Variants in HS3ST4 observed in about 807,000 individuals in gnomAD.
The protein encoded by HS3ST4 is heparan sulfate glucosamine 3-O-sulfotransferase 4.
HS3ST4 carries 17 observed loss-of-function variants against 29.2 expected under a neutral mutation model. That is an observed-to-expected ratio of 0.58 (90% confidence interval 0.40 to 0.87). The LOEUF (loss-of-function observed/expected upper bound fraction) is 0.87. Among genes scored for constraint, HS3ST4 ranks in the 40% least tolerant of loss-of-function variants. The pLI, the probability that HS3ST4 is intolerant of heterozygous loss-of-function variation, is 0.00. For synonymous variants in HS3ST4, 314 were observed against 285.7 expected (o/e 1.10, Z -1.00); for missense variants, 627 against 634.5 (o/e 0.99, Z 0.13).
intron 1 of HS3ST4, among the ~76,000 whole-genome samples, chr16:25,699,894 A>G (rs552535773): frequency 6.6e-5 from 10 of 152,312 alleles, no homozygotes; most frequent in South Asian, 4.1e-4. Flanking sequence ...AAAGTGCCCT[A>G]TGTAGAGCTT....
chr16:25,812,197 G>T (rs781730985), intron 1 of HS3ST4, among the ~76,000 whole-genome samples: 2 of 152,138 alleles, frequency 1.3e-5, no homozygotes, highest in Admixed American at 1.3e-4. Context: ...CTGCTCTGAG[G>T]ATCACACTTT....
At chr16:25,738,103 A>G (rs561903536) in intron 1 of HS3ST4, among the ~76,000 whole-genome samples, 1 of 151,908 alleles carries the variant, frequency 6.6e-6, no homozygotes, top group South Asian at 2.1e-4. Flanking sequence ...ATGGGGTTTC[A>G]CCGTGTTAGC....
chr16:25,904,590 G>GGC (rs986998047), intron 1 of HS3ST4, among the ~76,000 whole-genome samples: 2 of 152,004 alleles, frequency 1.3e-5, no homozygotes, highest in Non-Finnish European at 2.9e-5. Context: ...GATATCCAAG[G>GGC]GCAATGAAAG....
chr16:25,927,094 T>G (rs1968412409), intron 1 of HS3ST4, among the ~76,000 whole-genome samples: 1 of 152,176 alleles, frequency 6.6e-6, no homozygotes, highest in Non-Finnish European at 1.5e-5. Flanking sequence ...TTAAGGTCTT[T>G]GACTAACTTA....
intron 1 of HS3ST4, among the ~76,000 whole-genome samples, chr16:25,874,573 A>G (rs1567261884): frequency 6.6e-6 from 1 of 152,112 alleles, no homozygotes; most frequent in Admixed American, 6.6e-5. Context: ...CCATCCACCA[A>G]CTTATCCATA....
Position 25,977,991 on chromosome 16 carries a change from C to G in HS3ST4, c.735-157621C>G, listed in dbSNP as rs544703831. Among the ~76,000 whole-genome samples the G allele has an allele frequency of 2.6e-5, 4 of 152,250 alleles. No individual in the cohort carries two copies. In the South Asian group the frequency reaches 8.3e-4, roughly 32 times the overall value. On this transcript the variant is annotated intron_variant, in intron 1 of 1. Coordinates refer to ENST00000331351, the MANE Select transcript of HS3ST4 (RefSeq NM_006040.3). ...AGGCTGACCCAAGTGTGCCATCGGC[C>G]CTAACCTCAAGCAAGTATCATCACA... is the stretch of plus-strand genomic sequence containing the variant.
chr16:26,073,148 C>G (rs1463184236), intron 1 of HS3ST4, among the ~76,000 whole-genome samples: 1 of 152,112 alleles, frequency 6.6e-6, no homozygotes, highest in Non-Finnish European at 1.5e-5. Context: ...TGAGCACTTC[C>G]TCTGTGCCTG....
chr16:26,100,641 C>T (rs1455577495), intron 1 of HS3ST4, among the ~76,000 whole-genome samples: 1 of 152,168 alleles, frequency 6.6e-6, no homozygotes, highest in Admixed American at 6.5e-5. Context: ...AATGAGGAAA[C>T]TTTTCCCCTC....
intron 1 of HS3ST4, among the ~76,000 whole-genome samples, chr16:25,726,256 A>G (rs562198451): frequency 2.3e-4 from 35 of 152,306 alleles, no homozygotes; most frequent in African/African-American, 7.7e-4. Context: ...ATTGCTTTCA[A>G]TGTTTTTCTA....
chr16:25,693,214 G>A, intron 1 of HS3ST4, 63 bp downstream of exon 1: 1 of 1,459,196 alleles, frequency 6.9e-7, no homozygotes, highest in Non-Finnish European at 9.1e-7. Context: ...GGGAAGCCGC[G>A]GCTTTCCACG....
intron 1 of HS3ST4, among the ~76,000 whole-genome samples, chr16:26,055,008 A>G (rs1009466363): frequency 2.0e-5 from 3 of 152,086 alleles, no homozygotes; most frequent in African/African-American, 7.2e-5. Flanking sequence ...GACAAAAATT[A>G]TATCTGATTG....
chr16:25,799,773 G>T (rs2141623485), intron 1 of HS3ST4, among the ~76,000 whole-genome samples: 1 of 152,286 alleles, frequency 6.6e-6, no homozygotes, highest in East Asian at 1.9e-4. Flanking sequence ...AATTCTGCCT[G>T]CCGTGTATTA....
intron 1 of HS3ST4, among the ~76,000 whole-genome samples, chr16:26,016,928 G>A (rs1271750751): frequency 1.3e-5 from 2 of 152,142 alleles, no homozygotes; most frequent in African/African-American, 2.4e-5. Context: ...CTGCAGGCAA[G>A]AGAAAGCCCA....
intron 1 of HS3ST4, among the ~76,000 whole-genome samples, chr16:26,026,053 C>T (rs1567296430): frequency 6.6e-6 from 1 of 152,114 alleles, no homozygotes; most frequent in African/African-American, 2.4e-5. Flanking sequence ...GGACTACAGG[C>T]GTGTGCCACC....
At chr16:25,809,581 G>A (rs982788771) in intron 1 of HS3ST4, among the ~76,000 whole-genome samples, 2 of 152,080 alleles carry the variant, frequency 1.3e-5, no homozygotes, top group African/African-American at 2.4e-5. Flanking sequence ...TCCAATTGAT[G>A]TATATTCTTG....
intron 1 of HS3ST4, among the ~76,000 whole-genome samples, chr16:25,962,057 G>A (rs547118729): frequency 1.2e-4 from 18 of 152,308 alleles, no homozygotes; most frequent in African/African-American, 4.3e-4. Flanking sequence ...CCAGGTTGTA[G>A]TATGTGGTTA....
At chr16:26,049,327 G>GTCCGGAGGTCTACA (rs71158987) in intron 1 of HS3ST4, among the ~76,000 whole-genome samples, 3,543 of 125,874 alleles carry the variant, frequency 0.028, 332 homozygotes, top group Admixed American at 0.048. Flanking sequence ...CTGCTGGGAA[G>GTCCGGAGGTCTACA]TCCGGAGGTC....
At chr16:25,823,371 G>T (rs148900985) in intron 1 of HS3ST4, among the ~76,000 whole-genome samples, 109 of 152,220 alleles carry the variant, frequency 7.2e-4, no homozygotes, top group African/African-American at 2.5e-3. Flanking sequence ...CCTTTCCTAC[G>T]ATAATGACTG....
intron 1 of HS3ST4, among the ~76,000 whole-genome samples, chr16:25,706,720 T>C (rs1966378741): frequency 6.6e-6 from 1 of 152,164 alleles, no homozygotes; most frequent in Non-Finnish European, 1.5e-5. Context: ...CCTGCAAATA[T>C]GTTAGATTAG....
Sources: allele counts gnomAD v4.1 joint callset (sites outside exome capture counted in the v4.1 genomes callset), GRCh38; gene constraint gnomAD v4.1.1; transcripts MANE v1.5; gene names NCBI Gene and HGNC (gene_info 2026-07-23, HGNC 2026-07-21).